Variants in RAB33A observed in about 807,000 individuals in gnomAD.
The protein encoded by RAB33A is ras-related protein Rab-33A.
A neutral mutation model predicts 12.0 loss-of-function variants in RAB33A; 6 were observed. The observed-to-expected ratio is 0.50, with a 90% CI of 0.27 to 0.99. RAB33A has a LOEUF of 0.99. RAB33A is among the 50% of genes least tolerant of loss of function. RAB33A has a pLI of 0.11. For missense variants in RAB33A, 109 were observed against 192.0 expected (o/e 0.57, Z 2.55); for synonymous variants, 70 against 82.4 (o/e 0.85, Z 0.81).
chrX:130,132,103 C>T, the RAB33A span, among the ~76,000 whole-genome samples: 1 of 111,447 alleles, frequency 9.0e-6, no homozygotes, highest in Non-Finnish European at 1.9e-5. Flanking sequence ...AACTCCTGAC[C>T]TCAAGTAATC....
intron 1 of RAB33A, among the ~76,000 whole-genome samples, chrX:130,175,234 T>C (rs968440999): frequency 9.0e-6 from 1 of 111,024 alleles, no homozygotes; most frequent in African/African-American, 3.3e-5. Flanking sequence ...CACCTCACTA[T>C]CCTACCTTTC....
chrX:130,176,569 T>A lies in RAB33A; in HGVS notation c.258+4249T>A, dbSNP rs778019574. 3.4e-3 allele frequency among the ~76,000 whole-genome samples: 385 copies of A among 112,189 alleles called. 2 individuals carry two copies. The highest frequency in any genetic ancestry group is 0.012 in the African/African-American group (368 of 30,876). On this transcript the variant is annotated intron_variant, in intron 1 of 1. Transcript: ENST00000257017. Reference sequence around the variant, plus strand: ...TCAAGTGGATGGAGGCTGAGCTAAGTGTTCCTTGGAAGCTGCCTGCAGTCA... The same window carrying A: ...TCAAGTGGATGGAGGCTGAGCTAAGAGTTCCTTGGAAGCTGCCTGCAGTCA...
At chrX:130,173,896 A>G (rs1290505526) in intron 1 of RAB33A, among the ~76,000 whole-genome samples, 4 of 111,960 alleles carry the variant, frequency 3.6e-5, no homozygotes, top group African/African-American at 1.3e-4. Context: ...TCAAAAACCT[A>G]ATGCTCCCAT....
upstream of RAB33A, among the ~76,000 whole-genome samples, chrX:130,169,599 T>G (rs1020410166): frequency 3.6e-5 from 4 of 112,005 alleles, no homozygotes; most frequent in African/African-American, 1.3e-4. Context: ...AAAATATAAG[T>G]GGAAATCCCC....
the RAB33A span, chrX:130,145,429 T>A: frequency 1.1e-6 from 1 of 949,873 alleles, no homozygotes; most frequent in Non-Finnish European, 1.5e-6. Flanking sequence ...CCATACTGGC[T>A]GGTGGGCAAG....
chrX:130,182,209 A>AAT, intron 1 of RAB33A, among the ~76,000 whole-genome samples: 1 of 99,831 alleles, frequency 1.0e-5, no homozygotes, highest in Admixed American at 1.1e-4. Context: ...ATATACACAC[A>AAT]ATATATATAA....
At chrX:130,150,820 CA>C in the RAB33A span, among the ~76,000 whole-genome samples, 5 of 102,217 alleles carry the variant, frequency 4.9e-5, no homozygotes, top group Non-Finnish European at 9.9e-5. Context: ...ACTAAAAATA[CA>C]AAAATTAGCT....
chrX:130,174,874 T>C (rs1470866845), intron 1 of RAB33A, among the ~76,000 whole-genome samples: 3 of 110,766 alleles, frequency 2.7e-5, no homozygotes, highest in African/African-American at 6.6e-5. Context: ...CCCTAGGGTA[T>C]TGAAGCCCCA....
In RAB33A at chrX:130,172,293, C is replaced by A. The variant is rs1332619001; in HGVS notation, c.231C>A (p.Thr77=). The A allele has an allele frequency of 8.3e-6, 10 of 1,207,220 alleles. No homozygotes were observed. Among genetic ancestry groups the A allele is most frequent in the Non-Finnish European group, 1.0e-5 (9 of 893,336 alleles). ...TCGGCGTGGACTTCAGGGAGAAGAC[C>A]GTGGAAATCGAGGGCGAGAAGATCA... ...ATIGVDFREK[T]VEIEGEKIKV... The change falls in exon 1 of 2, where the codon ACC becomes ACA. Residue 77 remains threonine, a synonymous_variant. Transcript: ENST00000257017.
chrX:130,145,515 A>G, the RAB33A span: 1 of 1,209,719 alleles, frequency 8.3e-7, no homozygotes, highest in South Asian at 1.8e-5. Flanking sequence ...CACCATTCTC[A>G]ATATGAGGCA....
At chrX:130,178,323 G>C (rs1164453623) in intron 1 of RAB33A, among the ~76,000 whole-genome samples, 1 of 32,480 alleles carries the variant, frequency 3.1e-5, no homozygotes, top group Non-Finnish European at 4.7e-5. Context: ...GTCTGGAAAA[G>C]AGAGAGAGAG....
the RAB33A span, among the ~76,000 whole-genome samples, chrX:130,144,757 C>T: frequency 8.9e-6 from 1 of 112,350 alleles, no homozygotes; most frequent in African/African-American, 3.2e-5. Flanking sequence ...ATACAGTTAG[C>T]CCCTAGAGGG....
the RAB33A span, chrX:130,145,444 T>C: frequency 2.8e-6 from 3 of 1,089,042 alleles, no homozygotes; most frequent in African/African-American, 3.7e-5. Context: ...GGCAAGTACG[T>C]AGAGCCTGAC....
the RAB33A span, among the ~76,000 whole-genome samples, chrX:130,115,575 T>C: frequency 1.1e-4 from 12 of 108,651 alleles, no homozygotes; most frequent in Non-Finnish European, 2.1e-4. Flanking sequence ...ATCACGCCAC[T>C]GTACTCCAGC....
the RAB33A span, chrX:130,133,490 A>T: frequency 7.8e-5 from 22 of 280,518 alleles, no homozygotes; most frequent in Non-Finnish European, 9.7e-5. Flanking sequence ...AACACATGAT[A>T]AAAAAAAAAA....
At chrX:130,183,266 T>G (rs766228035) in intron 1 of RAB33A, among the ~76,000 whole-genome samples, 1 of 108,554 alleles carries the variant, frequency 9.2e-6, no homozygotes, top group Non-Finnish European at 1.9e-5. Context: ...AGGTTTTTCC[T>G]GTTTTAAAAA....
At chrX:130,152,015 G>A in the RAB33A span, among the ~76,000 whole-genome samples, 15 of 109,487 alleles carry the variant, frequency 1.4e-4, no homozygotes, top group Middle Eastern at 4.7e-3. Context: ...CTCCAGCCTG[G>A]GCGACAGAGC....
the RAB33A span, among the ~76,000 whole-genome samples, chrX:130,151,937 G>A: frequency 9.1e-6 from 1 of 110,010 alleles, no homozygotes; most frequent in Non-Finnish European, 1.9e-5. Context: ...TACTAGGGAG[G>A]CTGAGACACG....
chrX:130,137,127 C>T, the RAB33A span: 5 of 1,211,715 alleles, frequency 4.1e-6, no homozygotes, highest in South Asian at 8.8e-5. Flanking sequence ...CGGGGAGGAT[C>T]TTTCCCATAT....
Sources: gnomAD v4.1 joint callset for allele counts (sites outside exome capture counted in the v4.1 genomes callset) on GRCh38, gnomAD v4.1.1 for gene constraint, MANE v1.5 for transcripts, NCBI Gene and HGNC (gene_info 2026-07-23, HGNC 2026-07-21) for gene names.